The following UGT2B15 variants were observed in gnomAD, a reference collection of about 807,000 sequenced individuals.
UGT2B15 encodes the protein UDP-glucuronosyltransferase 2B15.
UGT2B15 carries 36 observed loss-of-function variants against 45.9 expected under a neutral mutation model. The ratio of observed to expected loss-of-function variants is 0.78; its 90% CI spans 0.60 to 1.04. The LOEUF (loss-of-function observed/expected upper bound fraction) is 1.04. UGT2B15 is among the 50% of genes least tolerant of loss of function. UGT2B15 has a pLI of 0.00. For synonymous variants in UGT2B15, 219 were observed against 216.4 expected (o/e 1.01, Z -0.11); for missense variants, 617 against 622.4 (o/e 0.99, Z 0.09).
At position 68,670,411 on chromosome 4, in the gene UGT2B15, A is replaced by T; in HGVS notation, c.208T>A (p.Ser70Thr). The T allele has an allele frequency of 6.2e-7, 1 of 1,613,774 alleles. No individual in the cohort carries two copies. Among genetic ancestry groups the T allele is most frequent in the South Asian group, 1.1e-5 (1 of 90,956 alleles). Residue 70 changes from serine (S) to threonine (T), a missense_variant, in exon 1 of 6, where the codon TCT becomes ACT. By Grantham distance (58) the Ser-to-Thr change is moderately conservative. Transcript: ENST00000338206. The stretch of plus-strand genomic sequence containing the variant: ...GGATAAACTTCTAATTTAATAGCAG[A>T]TGATTTACTGGCATTGACAAGAGTA... ...ASTLVNASKS[S>T]AIKLEVYPTS...
chr4:68,646,904 T>C lies in UGT2B15; in HGVS notation c.*200A>G, dbSNP rs1185477621. The C allele has an allele frequency of 1.4e-5, 11 of 797,338 alleles. No individual in the cohort carries two copies. The highest frequency in any genetic ancestry group is 1.9e-5 in the Non-Finnish European group (10 of 530,260). The allele number at this position is 797,338 out of a possible 1,614,324, so 49.4% of individuals were successfully genotyped here. The stretch of plus-strand genomic sequence containing the variant: ...ATCCTTCCCCCCATTGTATTTTTCA[T>C]AGCTTAAAAATCATTGACATAGAAT... On this transcript the variant is annotated 3_prime_UTR_variant, in exon 6 of 6. Transcript: ENST00000338206.
rs775038073 is a variant in UGT2B15, at chr4:68,654,178, A to G, written c.1172T>C (p.Met391Thr). The G allele has an allele frequency of 6.2e-7, 1 of 1,613,654 alleles. No individual in the cohort carries two copies. Among genetic ancestry groups the G allele is most frequent in the South Asian group, 1.1e-5 (1 of 91,066 alleles). ...ATCCGCAAACAAGGGAATGCCCACC[A>G]TAGGGATCCCATGGTAGATCGCCTC... ...IYEAIYHGIP[M>T]VGIPLFADQH... Residue 391 changes from methionine (M) to threonine (T), a missense_variant, in exon 5 of 6, where the codon ATG (methionine) becomes ACG (threonine). Around this residue, in one of 3 missense-constraint regions of UGT2B15, gnomAD observed 265 missense variants for 245.1 expected, o/e 1.08. Coordinates refer to ENST00000338206, the MANE Select transcript of UGT2B15 (RefSeq NM_001076.4).
rs760950687 is a variant in UGT2B15 at position 68,670,337 on chromosome 4, G to A, written c.282C>T (p.Leu94=). Reference sequence around the variant, plus strand: ...TTGAAACACCATATATCCATCTATCGAGAATTTTCAGAAGAGAATCTTCCA... The same window carrying A: ...TTGAAACACCATATATCCATCTATCAAGAATTTTCAGAAGAGAATCTTCCA... ...NYLEDSLLKI[L]DRWIYGVSKN... is the part of the protein sequence containing the mutation. Residue 94 remains leucine (L), a synonymous_variant, in exon 1 of 6, where the codon CTC becomes CTT. Coordinates refer to ENST00000338206, the MANE Select transcript of UGT2B15 (RefSeq NM_001076.4). The A allele has an allele frequency of 1.5e-5, 24 of 1,613,420 alleles. No homozygotes were observed. The highest frequency in any genetic ancestry group is 1.3e-4 in the African/African-American group (10 of 74,854).
rs779500036 is a variant in UGT2B15, at chr4:68,647,078, C to T, written c.*26G>A. The T allele has an allele frequency of 3.1e-6, 5 of 1,592,934 alleles. No individual in the cohort carries two copies. The Admixed American group carries it at 8.6e-5, about 27-fold the overall frequency. Reference sequence around the variant, plus strand: ...TAAAGGAGGAGTCCCATCTTTCAGTCATTCCACTTCAGGCTTTTGATATAA... The same window carrying T: ...TAAAGGAGGAGTCCCATCTTTCAGTTATTCCACTTCAGGCTTTTGATATAA... On this transcript the variant is annotated 3_prime_UTR_variant, in exon 6 of 6. Coordinates refer to ENST00000338206, the MANE Select transcript of UGT2B15 (RefSeq NM_001076.4).
chr4:68,658,248 T>C (rs893151169), intron 3 of UGT2B15, among the ~76,000 whole-genome samples: 4 of 151,944 alleles, frequency 2.6e-5, no homozygotes, highest in Admixed American at 6.6e-5. Context: ...TGAAAATATA[T>C]AAAAGAGCTC....
rs530442418 is a variant in UGT2B15 at position 68,670,174 on chromosome 4, T to G, written c.445A>C (p.Ile149Leu). The change falls in exon 1 of 6, where the codon ATT becomes CTT. Residue 149 changes from isoleucine (I) to leucine (L), a missense_variant. By Grantham distance (5) the Ile-to-Leu change is conservative. Coordinates refer to ENST00000338206, the MANE Select transcript of UGT2B15 (RefSeq NM_001076.4). ...CAGGGATTAAGGGCATCTGCCAGAA[T>G]GACATCAAACTTTGACTCTTGTAGT... ...MKLQESKFDV[I>L]LADALNPCGE... 39 of 1,613,986 alleles carry G rather than the reference T, an allele frequency of 2.4e-5. No homozygotes were observed. Among genetic ancestry groups the G allele is most frequent in the Non-Finnish European group, 3.2e-5 (38 of 1,179,990 alleles).
chr4:68,649,379 AGTGATTCT>A (rs1416752337), intron 5 of UGT2B15, among the ~76,000 whole-genome samples: 1 of 148,208 alleles, frequency 6.7e-6, no homozygotes, highest in African/African-American at 2.5e-5. Flanking sequence ...CCTGGGTTCA[AGTGATTCT>A]CATGCCTCAA....
intron 5 of UGT2B15, among the ~76,000 whole-genome samples, chr4:68,649,057 A>C (rs1732571568): frequency 6.6e-6 from 1 of 152,054 alleles, no homozygotes; most frequent in Admixed American, 6.6e-5. Context: ...AGAAAGGCAC[A>C]TTTATAATTA....
intron 4 of UGT2B15, among the ~76,000 whole-genome samples, chr4:68,654,722 A>G (rs1195842544): frequency 6.6e-6 from 1 of 152,032 alleles, no homozygotes; most frequent in Non-Finnish European, 1.5e-5. Flanking sequence ...CACTGGTAAT[A>G]GAAAAGTGTC....
intron 1 of UGT2B15, among the ~76,000 whole-genome samples, chr4:68,668,956 A>G (rs534060676): frequency 1.2e-3 from 189 of 151,228 alleles, no homozygotes; most frequent in African/African-American, 4.3e-3. Flanking sequence ...TTTCAGTTCC[A>G]CAATTAATTC....
chr4:68,647,211 C>A lies in UGT2B15; in HGVS notation c.1486G>T (p.Ala496Ser). Reference sequence around the variant, plus strand: ...GTTGCCACGCAGGCCAGCAGGAATGCTATCACATCCAAAGAGTGGTACTGG... The same window carrying A: ...GTTGCCACGCAGGCCAGCAGGAATGATATCACATCCAAAGAGTGGTACTGG... ...WIQYHSLDVIAFLLACVATVI... is the reference protein window; with the variant it reads ...WIQYHSLDVISFLLACVATVI... Residue 496 changes from alanine (A) to serine (S), a missense_variant, in exon 6 of 6, where the codon GCA becomes TCA. Physicochemically the swap from Ala to Ser is moderately conservative, Grantham distance 99. Transcript: ENST00000338206. 6.2e-7 allele frequency: 1 copy of A among 1,613,968 alleles called. No homozygotes were observed. The highest frequency in any genetic ancestry group is 1.3e-5 in the African/African-American group (1 of 74,976).
chr4:68,655,517 C>T (rs1732778722), intron 3 of UGT2B15, among the ~76,000 whole-genome samples: 1 of 152,052 alleles, frequency 6.6e-6, no homozygotes. Context: ...GCAAACCTAC[C>T]TCCCATTCTA....
At chr4:68,657,302 T>TA (rs1732836508) in intron 3 of UGT2B15, among the ~76,000 whole-genome samples, 1 of 151,948 alleles carries the variant, frequency 6.6e-6, no homozygotes, top group Non-Finnish European at 1.5e-5. Context: ...AATTAACTTT[T>TA]AAAAAAAGGC....
At chr4:68,652,055 G>A (rs1251827572) in intron 5 of UGT2B15, among the ~76,000 whole-genome samples, 2 of 152,040 alleles carry the variant, frequency 1.3e-5, no homozygotes, top group Non-Finnish European at 2.9e-5. Context: ...TCCTTCAGCA[G>A]TGGTTTCTAG....
At chr4:68,666,510 C>A (rs1733123623) in intron 2 of UGT2B15, among the ~76,000 whole-genome samples, 2 of 151,850 alleles carry the variant, frequency 1.3e-5, no homozygotes, top group East Asian at 1.9e-4. Flanking sequence ...CCACACAGCA[C>A]AATATGAAGT....
In UGT2B15 at chr4:68,646,957, C is replaced by T; in HGVS notation, c.*147G>A. The T allele has an allele frequency of 8.0e-7, 1 of 1,255,442 alleles. No individual in the cohort carries two copies. Among genetic ancestry groups the T allele is most frequent in the Non-Finnish European group, 1.1e-6 (1 of 909,240 alleles). The allele number at this position is 1,255,442 out of a possible 1,614,324, so 77.8% of individuals were successfully genotyped here. ...TTCAGCTAAAGTACGTATTAAATCC[C>T]TGGAAAATAAATTTTGTCTTAACAA... On this transcript the variant is annotated 3_prime_UTR_variant, in exon 6 of 6. Coordinates refer to ENST00000338206, the MANE Select transcript of UGT2B15 (RefSeq NM_001076.4).
At position 68,663,552 on chromosome 4, in the gene UGT2B15, G is replaced by A. The variant is rs1947434; in HGVS notation, c.874-413C>T. Among the ~76,000 whole-genome samples, 1,152 of 151,892 alleles carry A rather than the reference G, an allele frequency of 7.6e-3. 7 individuals are homozygous for A. The highest frequency in any genetic ancestry group is 0.026 in the African/African-American group (1,069 of 41,384). ...TACTAAATCTCTTGTGTTTATTTGGGGTAGTTTTATTTTATTTTATTTTTT... is the reference window on the plus strand; with the variant it reads ...TACTAAATCTCTTGTGTTTATTTGGAGTAGTTTTATTTTATTTTATTTTTT... On this transcript the variant is annotated intron_variant, in intron 2 of 5. Coordinates refer to ENST00000338206, the MANE Select transcript of UGT2B15 (RefSeq NM_001076.4).
intron 3 of UGT2B15, among the ~76,000 whole-genome samples, chr4:68,656,199 TGAGCTC>T (rs1193615021): frequency 6.6e-6 from 1 of 152,090 alleles, no homozygotes; most frequent in Non-Finnish European, 1.5e-5. Context: ...CTATGGAGTT[TGAGCTC>T]GCTCCCAGGA....
At chr4:68,659,463 G>A (rs1035787386) in intron 3 of UGT2B15, among the ~76,000 whole-genome samples, 13 of 151,840 alleles carry the variant, frequency 8.6e-5, no homozygotes, top group African/African-American at 2.4e-4. Context: ...ATGGTGTTTG[G>A]TCTTTTTGAG....
Sources: gnomAD v4.1 joint callset for allele counts (sites outside exome capture counted in the v4.1 genomes callset) on GRCh38, gnomAD v4.1.1 for gene constraint, gnomAD v4.1.1 regional missense constraint, MANE v1.5 for transcripts, NCBI Gene and HGNC (gene_info 2026-07-23, HGNC 2026-07-21) for gene names.